The following CREBBP variants were observed in gnomAD, a reference collection of about 807,000 sequenced individuals.
The protein encoded by CREBBP is CREB binding lysine acetyltransferase, also known as CREB-binding protein.
CREBBP carries 19 observed loss-of-function variants against 265.0 expected under a neutral mutation model. The ratio of observed to expected loss-of-function variants is 0.07; its 90% CI spans 0.05 to 0.11. The LOEUF is 0.11. CREBBP is among the 10% of genes least tolerant of loss of function. The pLI, the probability that CREBBP is intolerant of heterozygous loss-of-function variation, is 1.00. For synonymous variants in CREBBP, 1,457 were observed against 1,223.7 expected, an observed-to-expected ratio of 1.19 and a Z score of -3.98; for missense variants, 2,525 against 3,219.0, an observed-to-expected ratio of 0.78 and a Z score of 5.22.
intron 2 of CREBBP, among the ~76,000 whole-genome samples, chr16:3,811,452 T>C (rs1271413227): frequency 6.6e-6 from 1 of 152,220 alleles, no homozygotes; most frequent in African/African-American, 2.4e-5. Context: ...CCACTTTCAC[T>C]TAATGAATGG....
chr16:3,809,155 G>A (rs910908616), intron 3 of CREBBP, among the ~76,000 whole-genome samples: 6 of 151,896 alleles, frequency 4.0e-5, no homozygotes, highest in Non-Finnish European at 7.4e-5. Context: ...TTGAGAGCAA[G>A]TTTTGTTACT....
rs112980006 is a variant in CREBBP, at chr16:3,836,976, G to C, written c.798+13321C>G. ...CTGTATAAAAGCATGGCTCAATTAT[G>C]TATAGTACATAATAGCCGATAATGA... On this transcript the variant is annotated intron_variant, in intron 2 of 30. Transcript: ENST00000262367. 6.8e-4 allele frequency among the ~76,000 whole-genome samples: 103 copies of C among 152,296 alleles called. 2 individuals are homozygous for C. The highest frequency in any genetic ancestry group is 2.3e-3 in the African/African-American group (97 of 41,556).
chr16:3,856,503 TA>T (rs1247026077), intron 1 of CREBBP, among the ~76,000 whole-genome samples: 2 of 152,090 alleles, frequency 1.3e-5, no homozygotes, highest in Non-Finnish European at 2.9e-5. Flanking sequence ...TTTTTTTTTG[TA>T]GAGATGGGGT....
intron 1 of CREBBP, among the ~76,000 whole-genome samples, chr16:3,861,552 C>T (rs2055072915): frequency 6.6e-6 from 1 of 151,766 alleles, no homozygotes; most frequent in Non-Finnish European, 1.5e-5. Context: ...ATAAACTCAT[C>T]CCTGCTGATC....
rs2151316810 is a variant in CREBBP at position 3,731,339 on chromosome 16, G to C, written c.5025C>G (p.His1675Gln). 6.2e-7 allele frequency: 1 copy of C among 1,614,086 alleles called. No individual in the cohort carries two copies. Among genetic ancestry groups the C allele is most frequent in the South Asian group, 1.1e-5 (1 of 91,058 alleles). The stretch of plus-strand genomic sequence containing the variant: ...AGCGGCGCAAGGAGGAGAACTCCCA[G>C]TGCTTGTCTCTGGCGAGGGTGAGGA... ...DAFLTLARDK[H>Q]WEFSSLRRSK... is the part of the protein sequence containing the mutation. The change falls in exon 30 of 31, where the codon CAC becomes CAG. Residue 1675 changes from histidine to glutamine, a missense_variant. Coordinates refer to ENST00000262367, the MANE Select transcript of CREBBP (RefSeq NM_004380.3). The surrounding 1 kb of genome is among the most constrained non-coding windows in gnomAD (Gnocchi z 7.7).
chr16:3,770,722 T>C lies in CREBBP; in HGVS notation c.2728A>G (p.Thr910Ala), dbSNP rs143247685. Residue 910 changes from threonine (T) to alanine (A), a missense_variant, in exon 14 of 31, where the codon ACC (threonine) becomes GCC (alanine). By Grantham distance (58) the Thr-to-Ala change is moderately conservative. Transcript: ENST00000262367. ...TPTPGSVPSA[T>A]QTQSTPTVQA... ...ACTGTAGGGGTGCTCTGGGTTTGGG[T>C]AGCACTGGGCACTGAGCCAGGAGTC... 2.4e-3 allele frequency: 3,840 copies of C among 1,613,886 alleles called. 9 individuals are homozygous for C. Among genetic ancestry groups the C allele is most frequent in the Non-Finnish European group, 2.5e-3 (2,985 of 1,179,962 alleles).
rs559939930 is a variant in CREBBP at position 3,745,308 on chromosome 16, C to G, written c.3883G>C (p.Val1295Leu). The change falls in exon 22 of 31, where the codon GTT becomes CTT. Residue 1295 changes from valine (V) to leucine (L), a missense_variant. Physicochemically the swap from Val to Leu is conservative, Grantham distance 32 (BLOSUM62 1). Around this residue, in one of 19 missense-constraint regions of CREBBP, gnomAD observed 252 missense variants for 452.5 expected, o/e 0.56. Transcript: ENST00000262367. ...GGCCAAATGATGTCATAGTGCAGAACGCAAATCTGATGCATCTTCCGGCCA... is the reference window on the plus strand; with the variant it reads ...GGCCAAATGATGTCATAGTGCAGAAGGCAAATCTGATGCATCTTCCGGCCA... Reference protein sequence around the residue: ...ECGRKMHQICVLHYDIIWPSG... With the variant: ...ECGRKMHQICLLHYDIIWPSG... 6.2e-7 allele frequency: 1 copy of G among 1,614,062 alleles called. No individual in the cohort carries two copies. Among genetic ancestry groups the G allele is most frequent in the Non-Finnish European group, 8.5e-7 (1 of 1,179,960 alleles).
intron 2 of CREBBP, among the ~76,000 whole-genome samples, chr16:3,815,465 A>C (rs537639409): frequency 2.0e-5 from 3 of 151,246 alleles, no homozygotes; most frequent in African/African-American, 7.3e-5. Flanking sequence ...GGGAGGCAGA[A>C]AATGCAGTGA....
chr16:3,822,366 A>T (rs978934233), intron 2 of CREBBP, among the ~76,000 whole-genome samples: 1 of 152,250 alleles, frequency 6.6e-6, no homozygotes, highest in Non-Finnish European at 1.5e-5. Context: ...GACAGAACTC[A>T]CAAGGCTTTA....
At chr16:3,877,688 A>T (rs1302077472) in intron 1 of CREBBP, among the ~76,000 whole-genome samples, 1 of 152,260 alleles carries the variant, frequency 6.6e-6, no homozygotes, top group African/African-American at 2.4e-5. Context: ...TACAGGCATG[A>T]GCCATGGCGC....
intron 1 of CREBBP, among the ~76,000 whole-genome samples, chr16:3,860,963 C>A (rs1348426272): frequency 6.6e-6 from 1 of 151,304 alleles, no homozygotes; most frequent in Non-Finnish European, 1.5e-5. Flanking sequence ...TCCCTGTGTA[C>A]CCCTCCTTAG....
chr16:3,795,577 G>A (rs926613529), intron 3 of CREBBP, among the ~76,000 whole-genome samples: 10 of 152,108 alleles, frequency 6.6e-5, no homozygotes, highest in Middle Eastern at 3.2e-3. Flanking sequence ...CATTTAACTA[G>A]TTCTTGTTAT....
intron 3 of CREBBP, among the ~76,000 whole-genome samples, chr16:3,802,129 T>A (rs1023393808): frequency 2.7e-5 from 3 of 112,880 alleles, no homozygotes; most frequent in Non-Finnish European, 5.5e-5. Flanking sequence ...TTTTTTTTTT[T>A]TTTTTTTTTT....
At chr16:3,871,042 A>T (rs1447043293) in intron 1 of CREBBP, among the ~76,000 whole-genome samples, 1 of 151,658 alleles carries the variant, frequency 6.6e-6, no homozygotes, top group Non-Finnish European at 1.5e-5. Flanking sequence ...AGGAAGGAAA[A>T]GAAAGAAAGA....
intron 3 of CREBBP, among the ~76,000 whole-genome samples, chr16:3,798,233 A>T (rs1031609032): frequency 7.9e-5 from 12 of 152,260 alleles, no homozygotes; most frequent in African/African-American, 2.7e-4. Flanking sequence ...CATTCACAGA[A>T]GAAAACCGAG....
At chr16:3,775,947 G>A (rs767250341) in intron 11 of CREBBP, among the ~76,000 whole-genome samples, 3 of 149,848 alleles carry the variant, frequency 2.0e-5, no homozygotes, top group Admixed American at 1.3e-4. Context: ...ATGAGATTTC[G>A]CTCTTGTTGC....
chr16:3,810,549 C>T (rs2141346113), intron 3 of CREBBP, 54 bp downstream of exon 3: 1 of 1,596,436 alleles, frequency 6.3e-7, no homozygotes, highest in Non-Finnish European at 8.6e-7. Flanking sequence ...TAAAAATCCA[C>T]AGACCACAGC....
chr16:3,770,215 T>C (rs1393785793), intron 14 of CREBBP, among the ~76,000 whole-genome samples: 4 of 151,676 alleles, frequency 2.6e-5, no homozygotes, highest in Non-Finnish European at 5.9e-5. Flanking sequence ...AATGTCTCGC[T>C]CTGTTGCCCA....
In CREBBP at chr16:3,726,155, C is replaced by A. The variant is rs565611155; in HGVS notation, c.*1563G>T. ...CAAACGCCACACGGGACATGCTGCG[C>A]GGCAGCGGCAGGATTTGGGGGGAAG... On this transcript the variant is annotated 3_prime_UTR_variant, in exon 31 of 31. Transcript: ENST00000262367. The A allele has an allele frequency of 1.3e-5, 3 of 231,030 alleles. No individual in the cohort carries two copies. The highest frequency in any genetic ancestry group is 4.5e-5 in the African/African-American group (2 of 44,788). 14.3% of individuals were successfully genotyped at this position (231,030 alleles called of 1,614,324 possible).
Sources: allele counts gnomAD v4.1 joint callset (sites outside exome capture counted in the v4.1 genomes callset), GRCh38; gene constraint gnomAD v4.1.1; regional missense constraint gnomAD v4.1.1; non-coding constraint Gnocchi (gnomAD v3.1); transcripts MANE v1.5; gene names NCBI Gene and HGNC (gene_info 2026-07-23, HGNC 2026-07-21).